The following ERICH1 variants were observed in gnomAD, a reference collection of about 807,000 sequenced individuals.
The protein encoded by ERICH1 is glutamate rich 1, also known as glutamate-rich protein 1.
ERICH1 carries 56 observed loss-of-function variants against 39.6 expected under a neutral mutation model. The ratio of observed to expected loss-of-function variants is 1.41; its 90% CI spans 1.14 to 1.77. ERICH1 has a LOEUF of 1.77. Among genes scored for constraint, ERICH1 ranks in the 40% most tolerant of loss-of-function variants. The pLI is 0.00. For missense variants in ERICH1, 826 were observed against 575.4 expected, an observed-to-expected ratio of 1.44 and a Z score of -4.45; for synonymous variants, 313 against 223.6, an observed-to-expected ratio of 1.40 and a Z score of -3.57.
At chr8:659,972 T>C (rs1801172461), downstream of ERICH1, among the ~76,000 whole-genome samples, 1 of 152,210 alleles carries the variant, frequency 6.6e-6, no homozygotes, top group Admixed American at 6.5e-5. Flanking sequence ...TTCAATCCCT[T>C]ACAAGGATCC....
chr8:663,210 G>C (rs1045363164), downstream of ERICH1, among the ~76,000 whole-genome samples: 2 of 152,248 alleles, frequency 1.3e-5, no homozygotes, highest in South Asian at 4.1e-4. Flanking sequence ...GAGGGAAGTG[G>C]CAGGACAGGG....
chr8:722,209 G>A (rs1303714481), intron 1 of ERICH1, among the ~76,000 whole-genome samples: 5 of 151,452 alleles, frequency 3.3e-5, no homozygotes. Context: ...GGCAGAGGAC[G>A]GAGTGTTTAA....
intron 3 of ERICH1, among the ~76,000 whole-genome samples, chr8:653,135 C>T (rs1019478238): frequency 3.3e-5 from 5 of 152,230 alleles, no homozygotes; most frequent in African/African-American, 1.2e-4. Context: ...TGGAACTCAA[C>T]AGGTGCTTGT....
At chr8:662,210 G>C (rs1801522364), downstream of ERICH1, among the ~76,000 whole-genome samples, 1 of 152,278 alleles carries the variant, frequency 6.6e-6, no homozygotes, top group Admixed American at 6.5e-5. Context: ...CACCACCCCT[G>C]CAATGGTGCA....
At chr8:662,778 C>G (rs1801620998), downstream of ERICH1, among the ~76,000 whole-genome samples, 1 of 152,214 alleles carries the variant, frequency 6.6e-6, no homozygotes, top group African/African-American at 2.4e-5. Flanking sequence ...CCGGCTTGGA[C>G]ACCACTGCAG....
chr8:679,984 G>A (rs1380447484), intron 3 of ERICH1, among the ~76,000 whole-genome samples: 3 of 42,408 alleles, frequency 7.1e-5, no homozygotes, highest in Admixed American at 2.0e-4. Context: ...CACAGAAGAT[G>A]CAAGAGAATC....
chr8:697,744 A>G (rs1480996203), intron 2 of ERICH1, among the ~76,000 whole-genome samples: 1 of 139,866 alleles, frequency 7.1e-6, no homozygotes, highest in Non-Finnish European at 1.5e-5. Context: ...GAGGGGAGGG[A>G]CTTCAGCTGT....
intron 2 of ERICH1, among the ~76,000 whole-genome samples, chr8:703,878 A>G (rs964018693): frequency 6.6e-6 from 1 of 152,232 alleles, no homozygotes; most frequent in Non-Finnish European, 1.5e-5. Flanking sequence ...ACGATCAAGG[A>G]AACAAGAGAG....
At chr8:636,183 C>A (rs1002111426) in intron 3 of ERICH1, among the ~76,000 whole-genome samples, 4 of 152,220 alleles carry the variant, frequency 2.6e-5, no homozygotes, top group Admixed American at 6.5e-5. Flanking sequence ...CCTCCACTGC[C>A]CTGGGCCGAG....
intron 2 of ERICH1, among the ~76,000 whole-genome samples, chr8:709,525 C>G (rs1814217803): frequency 6.6e-6 from 1 of 152,218 alleles, no homozygotes; most frequent in African/African-American, 2.4e-5. Context: ...GAAAAATAAT[C>G]TTTTACCCTT....
At chr8:685,555 T>G (rs1252298996) in intron 3 of ERICH1, among the ~76,000 whole-genome samples, 1 of 152,214 alleles carries the variant, frequency 6.6e-6, no homozygotes, top group Non-Finnish European at 1.5e-5. Flanking sequence ...CCATGAAATC[T>G]TCACAATTTA....
intron 3 of ERICH1, 123 bp downstream of exon 3, chr8:692,355 G>A (rs187482394): frequency 2.9e-6 from 4 of 1,397,680 alleles, no homozygotes; most frequent in Middle Eastern, 1.9e-4. Context: ...ATTATACAGT[G>A]TAACAACATG....
At chr8:644,255 C>T (rs878910541) in intron 3 of ERICH1, among the ~76,000 whole-genome samples, 5 of 152,258 alleles carry the variant, frequency 3.3e-5, no homozygotes, top group Admixed American at 2.0e-4. Context: ...TCCTGCTCTT[C>T]GGGCTTCAGG....
intron 3 of ERICH1, among the ~76,000 whole-genome samples, chr8:678,948 T>A (rs1221543783): frequency 6.6e-6 from 1 of 152,060 alleles, no homozygotes; most frequent in East Asian, 1.9e-4. Context: ...TGGCCTCTTA[T>A]GATTCTGGCC....
At chr8:624,070 C>T (rs922618448) in intron 3 of ERICH1, among the ~76,000 whole-genome samples, 1 of 152,002 alleles carries the variant, frequency 6.6e-6, no homozygotes, top group Non-Finnish European at 1.5e-5. Flanking sequence ...AACCCAACTG[C>T]AGATTAGTGA....
At chr8:705,733 G>A (rs1035475157) in intron 2 of ERICH1, among the ~76,000 whole-genome samples, 1 of 152,178 alleles carries the variant, frequency 6.6e-6, no homozygotes, top group Admixed American at 6.5e-5. Flanking sequence ...AGACTGGACA[G>A]GGAAAGTACA....
chr8:714,810 C>G (rs1226052283), intron 2 of ERICH1, among the ~76,000 whole-genome samples: 1 of 151,724 alleles, frequency 6.6e-6, no homozygotes, highest in Non-Finnish European at 1.5e-5. Context: ...ATGTGCTGCA[C>G]CCAGATGTTC....
chr8:673,161 C>T, intron 4 of ERICH1, 128 bp downstream of exon 4: 3 of 1,160,548 alleles, frequency 2.6e-6, no homozygotes, highest in South Asian at 1.6e-5. Context: ...TATTAGTTGC[C>T]TTACAACTAA....
At chr8:715,380 A>G (rs1050784931) in intron 2 of ERICH1, among the ~76,000 whole-genome samples, 8 of 152,116 alleles carry the variant, frequency 5.3e-5, no homozygotes, top group Non-Finnish European at 7.4e-5. Context: ...TGGGACTCTC[A>G]TGGCAGATGA....
Sources: allele counts gnomAD v4.1 joint callset (sites outside exome capture counted in the v4.1 genomes callset), GRCh38; gene constraint gnomAD v4.1.1; transcripts MANE v1.5; gene names NCBI Gene and HGNC (gene_info 2026-07-23, HGNC 2026-07-21).